Variants in TMEM232 observed in about 807,000 individuals in gnomAD.
The protein encoded by TMEM232 is transmembrane protein 232.
TMEM232 carries 80 observed loss-of-function variants against 78.8 expected under a neutral mutation model. The observed-to-expected ratio is 1.01, with a 90% CI of 0.85 to 1.22. The LOEUF is 1.22. Among genes scored for constraint, TMEM232 ranks in the 50% most tolerant of loss-of-function variants. The probability of loss-of-function intolerance (pLI) is 0.00; values close to 1 mark genes in which losing one functional copy is unlikely to be tolerated. For missense variants in TMEM232, 881 were observed against 742.2 expected (o/e 1.19, Z -2.17); for synonymous variants, 297 against 254.3 (o/e 1.17, Z -1.60).
chr5:110,458,409 T>C (rs907468381), intron 12 of TMEM232, among the ~76,000 whole-genome samples: 2 of 152,182 alleles, frequency 1.3e-5, no homozygotes, highest in Non-Finnish European at 2.9e-5. Flanking sequence ...TTAACTCAGT[T>C]ACTAGTTTAG....
chr5:110,397,131 A>G (rs35841610), intron 3 of TMEM232, among the ~76,000 whole-genome samples: 8,703 of 152,210 alleles, frequency 0.057, 510 homozygotes, highest in East Asian at 0.23. Context: ...CGGTTCTACA[A>G]TCTGTCACTG....
chr5:110,488,627 C>G (rs1764711841), intron 12 of TMEM232, among the ~76,000 whole-genome samples: 1 of 151,978 alleles, frequency 6.6e-6, no homozygotes, highest in Admixed American at 6.6e-5. Flanking sequence ...AAGTTCAAGT[C>G]AACGACTTAA....
At chr5:110,630,275 C>G (rs976040285) in intron 5 of TMEM232, among the ~76,000 whole-genome samples, 12 of 152,298 alleles carry the variant, frequency 7.9e-5, no homozygotes, top group African/African-American at 2.9e-4. Context: ...ACTGCATACT[C>G]ATTCTCTCCA....
At chr5:110,496,944 G>T (rs898629908) in intron 12 of TMEM232, among the ~76,000 whole-genome samples, 2 of 151,954 alleles carry the variant, frequency 1.3e-5, no homozygotes, top group African/African-American at 4.8e-5. Context: ...AATCTACAGA[G>T]TGCTGTATTT....
intron 1 of TMEM232, among the ~76,000 whole-genome samples, chr5:110,736,448 T>C (rs1301552862): frequency 6.6e-6 from 1 of 152,216 alleles, no homozygotes; most frequent in Non-Finnish European, 1.5e-5. Flanking sequence ...TCAGACATAA[T>C]ACTATCATTT....
chr5:110,601,929 T>C (rs1780962210), intron 10 of TMEM232, among the ~76,000 whole-genome samples: 1 of 152,196 alleles, frequency 6.6e-6, no homozygotes. Context: ...AACAGCATGG[T>C]ACTGGTACCA....
intron 1 of TMEM232, among the ~76,000 whole-genome samples, chr5:110,674,791 A>T (rs1791812124): frequency 6.6e-6 from 1 of 152,232 alleles, no homozygotes; most frequent in African/African-American, 2.4e-5. Flanking sequence ...ACTGGTTGAC[A>T]ATATGGAGAC....
intron 8 of TMEM232, chr5:110,610,564 T>C (rs961390792): frequency 4.4e-6 from 2 of 456,166 alleles, no homozygotes; most frequent in Non-Finnish European, 8.8e-6. Context: ...GTGAAGTTTC[T>C]CTCTAGGTAA....
At chr5:110,602,899 CATCA>C (rs540399904) in intron 10 of TMEM232, among the ~76,000 whole-genome samples, 19 of 152,124 alleles carry the variant, frequency 1.2e-4, no homozygotes, top group Non-Finnish European at 2.4e-4. Context: ...CCCAAATGCC[CATCA>C]ATAATTGACT....
At chr5:110,640,856 A>G (rs1786584282) in intron 4 of TMEM232, 35 bp downstream of exon 4, 1 of 1,402,714 alleles carries the variant, frequency 7.1e-7, no homozygotes, top group South Asian at 1.7e-5. Flanking sequence ...TATAGAAAAT[A>G]CTTAGGATGC....
intron 12 of TMEM232, among the ~76,000 whole-genome samples, chr5:110,466,422 C>A (rs1248891407): frequency 6.6e-6 from 1 of 152,120 alleles, no homozygotes; most frequent in East Asian, 1.9e-4. Flanking sequence ...AAGTTGGTTT[C>A]TCCAGTATCC....
chr5:110,582,227 C>T (rs1223297697), intron 10 of TMEM232, among the ~76,000 whole-genome samples: 1 of 151,824 alleles, frequency 6.6e-6, no homozygotes, highest in Non-Finnish European at 1.5e-5. Context: ...CATTGTAGCA[C>T]TATCCATAAT....
intron 1 of TMEM232, among the ~76,000 whole-genome samples, chr5:110,701,204 GTAT>G (rs1237646909): frequency 7.2e-5 from 11 of 151,876 alleles, no homozygotes. Flanking sequence ...CAAACACCAA[GTAT>G]TATAACAGAA....
intron 1 of TMEM232, among the ~76,000 whole-genome samples, chr5:110,673,359 C>T (rs576313607): frequency 1.3e-5 from 2 of 151,416 alleles, no homozygotes; most frequent in African/African-American, 2.4e-5. Flanking sequence ...TGTTAAATGA[C>T]GAGTTAATGG....
chr5:110,606,139 T>G, intron 9 of TMEM232, 25 bp downstream of exon 9: 1 of 1,527,492 alleles, frequency 6.5e-7, no homozygotes, highest in Non-Finnish European at 8.8e-7. Context: ...CGGTTCTCTT[T>G]TCACATATAA....
At chr5:110,724,204 T>C (rs942771409) in intron 1 of TMEM232, among the ~76,000 whole-genome samples, 3 of 152,210 alleles carry the variant, frequency 2.0e-5, no homozygotes, top group Non-Finnish European at 4.4e-5. Flanking sequence ...TATCTTTCGA[T>C]ATTCACATCA....
At chr5:110,395,788 G>A (rs368397265) in intron 3 of TMEM232, among the ~76,000 whole-genome samples, 8 of 152,092 alleles carry the variant, frequency 5.3e-5, no homozygotes, top group Admixed American at 1.3e-4. Flanking sequence ...CCAATTATAC[G>A]TACATGGGAG....
At chr5:110,715,953 T>TG (rs1460606132) in intron 1 of TMEM232, among the ~76,000 whole-genome samples, 1 of 152,170 alleles carries the variant, frequency 6.6e-6, no homozygotes, top group Admixed American at 6.6e-5. Context: ...ATAATAACTC[T>TG]TTCAACCAAT....
At position 110,508,640 on chromosome 5, in the gene TMEM232, G is replaced by C. The variant is rs144707586; in HGVS notation, c.1703+19948C>G. 4.9e-3 allele frequency among the ~76,000 whole-genome samples: 730 copies of C among 150,320 alleles called. 2 individuals carry two copies. The highest frequency in any genetic ancestry group is 0.016 in the African/African-American group (680 of 41,214). On this transcript the variant is annotated intron_variant, in intron 12 of 13. Coordinates refer to ENST00000455884, the MANE Select transcript of TMEM232 (RefSeq NM_001039763.4). ...CTTTTGAGTCTGTTCTAACACTTCT[G>C]ATTTCATTGTAGCCCTTGACATGAA... is the stretch of plus-strand genomic sequence containing the variant.
Sources: allele counts gnomAD v4.1 joint callset (sites outside exome capture counted in the v4.1 genomes callset), GRCh38; gene constraint gnomAD v4.1.1; transcripts MANE v1.5; gene names NCBI Gene and HGNC (gene_info 2026-07-23, HGNC 2026-07-21).